The following CGNL1 variants were observed in gnomAD, a reference collection of about 807,000 sequenced individuals.
CGNL1 encodes cingulin like 1.
CGNL1 carries 132 observed loss-of-function variants against 141.2 expected under a neutral mutation model. The observed-to-expected ratio is 0.93, with a 90% CI of 0.81 to 1.08. The LOEUF (loss-of-function observed/expected upper bound fraction) is 1.08, where lower values mean the gene tolerates loss of function less well. CGNL1 is among the 50% of genes least tolerant of loss of function. The pLI, the probability that CGNL1 is intolerant of heterozygous loss-of-function variation, is 0.00. For synonymous variants in CGNL1, 690 were observed against 622.1 expected, an observed-to-expected ratio of 1.11 and a Z score of -1.63; for missense variants, 1,870 against 1,588.6, an observed-to-expected ratio of 1.18 and a Z score of -3.01.
chr15:57,479,479 C>T (rs2152358402), intron 8 of CGNL1, among the ~76,000 whole-genome samples: 1 of 152,242 alleles, frequency 6.6e-6, no homozygotes, highest in East Asian at 1.9e-4. Flanking sequence ...GCCTGGCCAA[C>T]ACTGTGAAAC....
intron 14 of CGNL1, among the ~76,000 whole-genome samples, chr15:57,540,516 G>A (rs1198557778): frequency 6.6e-6 from 1 of 152,204 alleles, no homozygotes; most frequent in Non-Finnish European, 1.5e-5. Flanking sequence ...ACTGGGGATT[G>A]TGGGAACTAC....
At chr15:57,387,820 A>T (rs1196601900) in intron 1 of CGNL1, among the ~76,000 whole-genome samples, 1 of 152,196 alleles carries the variant, frequency 6.6e-6, no homozygotes. Flanking sequence ...CTGTGACTTT[A>T]ATAATATCCT....
intron 1 of CGNL1, among the ~76,000 whole-genome samples, chr15:57,391,576 T>G (rs1463249673): frequency 6.6e-6 from 1 of 152,186 alleles, no homozygotes; most frequent in Admixed American, 6.5e-5. Flanking sequence ...CTGCTTTTAC[T>G]TGCAAGTAAA....
rs566463960 is a variant in CGNL1, at chr15:57,420,659, C to T, written c.-15-17326C>T. Among the ~76,000 whole-genome samples, 6 of 152,316 alleles carry T rather than the reference C, an allele frequency of 3.9e-5. No individual in the cohort carries two copies. The South Asian group carries it at 1.2e-3, about 32-fold the overall frequency. ...TTTGCCTTTGGTCTTACAGATTCCA[C>T]TCATTTCTGGAGTTATTTAGTTCAG... On this transcript the variant is annotated intron_variant, in intron 1 of 18. Transcript: ENST00000281282.
intron 1 of CGNL1, among the ~76,000 whole-genome samples, chr15:57,383,631 C>CTTTTCTT (rs1555428914): frequency 5.3e-5 from 2 of 37,978 alleles, no homozygotes; most frequent in Non-Finnish European, 8.9e-5. Context: ...CTTTTCTTTT[C>CTTTTCTT]TTTTTTTTTT....
At chr15:57,443,467 A>C (rs1266391412) in intron 4 of CGNL1, among the ~76,000 whole-genome samples, 4 of 152,182 alleles carry the variant, frequency 2.6e-5, no homozygotes, top group Non-Finnish European at 5.9e-5. Context: ...AGACACCTGG[A>C]GGCAGGTAAC....
chr15:57,544,642 G>C, intron 16 of CGNL1, 45 bp downstream of exon 16: 1 of 1,550,856 alleles, frequency 6.4e-7, no homozygotes, highest in Non-Finnish European at 8.7e-7. Context: ...CCAGTGGGCA[G>C]TGACAGTCCC....
At chr15:57,421,558 G>A (rs564694423) in intron 1 of CGNL1, among the ~76,000 whole-genome samples, 26 of 152,252 alleles carry the variant, frequency 1.7e-4, no homozygotes, top group African/African-American at 6.3e-4. Flanking sequence ...CAAGCGTTAG[G>A]ATTGGGAGAA....
At chr15:57,537,583 G>T (rs1660957827) in intron 14 of CGNL1, among the ~76,000 whole-genome samples, 1 of 152,100 alleles carries the variant, frequency 6.6e-6, no homozygotes, top group Non-Finnish European at 1.5e-5. Flanking sequence ...CAGGAGTGTG[G>T]GCTTGCCGAC....
chr15:57,501,065 A>G (rs2064017252), intron 8 of CGNL1, among the ~76,000 whole-genome samples: 2 of 152,198 alleles, frequency 1.3e-5, no homozygotes. Context: ...ATACCTAGAC[A>G]CATAAAAACC....
chr15:57,439,348 C>A lies in CGNL1; in HGVS notation c.1349C>A (p.Ala450Glu). Residue 450 changes from alanine (A) to glutamate (E), a missense_variant, in exon 2 of 19, where the codon GCA becomes GAA. Transcript: ENST00000281282. ...CGCACCTTTGCAAAGCTGCAGGGAG[C>A]AGCGCACGGGGCTTCATGTGCCCAC... ...VGRTFAKLQG[A>E]AHGASCAHSR... 6.2e-7 allele frequency: 1 copy of A among 1,614,126 alleles called. No individual in the cohort carries two copies. Among genetic ancestry groups the A allele is most frequent in the Non-Finnish European group, 8.5e-7 (1 of 1,180,040 alleles).
At chr15:57,407,647 G>C (rs1381223204) in intron 1 of CGNL1, among the ~76,000 whole-genome samples, 1 of 152,126 alleles carries the variant, frequency 6.6e-6, no homozygotes, top group Non-Finnish European at 1.5e-5. Flanking sequence ...CACTACTTTG[G>C]CCTGGGCGAC....
chr15:57,436,725 A>C (rs971100040), intron 1 of CGNL1, among the ~76,000 whole-genome samples: 2 of 152,208 alleles, frequency 1.3e-5, no homozygotes, highest in African/African-American at 4.8e-5. Flanking sequence ...GAACTCAGTA[A>C]AGTTGAAAAT....
chr15:57,514,271 C>A (rs139443023), intron 8 of CGNL1, among the ~76,000 whole-genome samples: 3 of 152,266 alleles, frequency 2.0e-5, no homozygotes, highest in African/African-American at 7.2e-5. Flanking sequence ...CTCGCCTCAG[C>A]ATCCCAATTA....
chr15:57,431,450 G>C (rs532773184), intron 1 of CGNL1, among the ~76,000 whole-genome samples: 1 of 152,326 alleles, frequency 6.6e-6, no homozygotes, highest in East Asian at 1.9e-4. Flanking sequence ...TTTCTGTCAT[G>C]TTAGGGAATA....
At chr15:57,482,789 C>CTT (rs139979065) in intron 8 of CGNL1, among the ~76,000 whole-genome samples, 30 of 146,098 alleles carry the variant, frequency 2.1e-4, no homozygotes, top group African/African-American at 6.0e-4. Context: ...TCTTTTCTCT[C>CTT]TTTTTTTTTT....
At position 57,439,086 on chromosome 15, in the gene CGNL1, A is replaced by G. The variant is rs778332630; in HGVS notation, c.1087A>G (p.Lys363Glu). ...TCAGTTAATTGAAAAATTTGATCAA[A>G]AACCTGGGCTTCAGAGAAGAGGAAG... ...VDQLIEKFDQ[K>E]PGLQRRGRSG... The change falls in exon 2 of 19, where the codon AAA (lysine) becomes GAA (glutamate). Residue 363 changes from lysine (K) to glutamate (E), a missense_variant. Physicochemically the swap from Lys to Glu is moderately conservative, Grantham distance 56 (BLOSUM62 1). Coordinates refer to ENST00000281282, the MANE Select transcript of CGNL1 (RefSeq NM_032866.5). 1 of 1,614,248 alleles carries G rather than the reference A, an allele frequency of 6.2e-7. No homozygotes were observed. The highest frequency in any genetic ancestry group is 8.5e-7 in the Non-Finnish European group (1 of 1,180,040).
At position 57,547,664 on chromosome 15, in the gene CGNL1, G is replaced by C; in HGVS notation, c.*174G>C. 1.5e-6 allele frequency: 1 copy of C among 662,180 alleles called. No homozygotes were observed. Among genetic ancestry groups the C allele is most frequent in the East Asian group, 3.0e-5 (1 of 33,350 alleles). The allele number at this position is 662,180 out of a possible 1,614,324, so 41.0% of individuals were successfully genotyped here. The stretch of plus-strand genomic sequence containing the variant: ...CGCCAGGGTCTCTCAGTGGGTCTTC[G>C]ACAGAGAGCTTTTGCAGTTTAAAAT... On this transcript the variant is annotated 3_prime_UTR_variant, in exon 19 of 19. Transcript: ENST00000281282.
chr15:57,473,644 G>C lies in CGNL1; in HGVS notation c.2403+11752G>C, dbSNP rs73421808. On this transcript the variant is annotated intron_variant, in intron 8 of 18. Coordinates refer to ENST00000281282, the MANE Select transcript of CGNL1 (RefSeq NM_032866.5). ...GTGGCTTCCTCCTTGCTTTCTCATG[G>C]ATCTCTTGCTGTGGAGGAAGCCAGC... Among the ~76,000 whole-genome samples the C allele has an allele frequency of 4.3e-3, 655 of 152,188 alleles. 7 individuals are homozygous for C. The highest frequency in any genetic ancestry group is 0.015 in the African/African-American group (620 of 41,528).
Sources: allele counts gnomAD v4.1 joint callset (sites outside exome capture counted in the v4.1 genomes callset), GRCh38; gene constraint gnomAD v4.1.1; transcripts MANE v1.5; gene names NCBI Gene and HGNC (gene_info 2026-07-23, HGNC 2026-07-21).